BICRAL: variants seen among roughly 807,000 people sequenced by gnomAD.
BICRAL encodes BICRA like chromatin remodeling complex associated protein.
In BICRAL, 8 loss-of-function variants were observed where a neutral mutation model predicts 91.8. The ratio of observed to expected loss-of-function variants is 0.09; its 90% CI spans 0.05 to 0.16. BICRAL has a LOEUF of 0.16. Among genes scored for constraint, BICRAL ranks in the 10% least tolerant of loss-of-function variants. The pLI is 1.00. For missense variants in BICRAL, 1,038 were observed against 1,310.9 expected (o/e 0.79, Z 3.21); for synonymous variants, 445 against 491.1 (o/e 0.91, Z 1.24).
At chr6:42,769,955 TCA>T (rs1762694252) in intron 1 of BICRAL, among the ~76,000 whole-genome samples, 1 of 152,204 alleles carries the variant, frequency 6.6e-6, no homozygotes, top group South Asian at 2.1e-4. Context: ...TAAAAGCTGG[TCA>T]CAGTCTCATG....
At chr6:42,857,299 C>G (rs577423004) in intron 10 of BICRAL, 63 bp downstream of exon 10, 11 of 1,407,384 alleles carry the variant, frequency 7.8e-6, no homozygotes, top group African/African-American at 2.9e-5. Context: ...GGACACCCCC[C>G]AGAAAAGCAA....
At chr6:42,781,066 C>G (rs2113856353), upstream of BICRAL, among the ~76,000 whole-genome samples, 1 of 151,794 alleles carries the variant, frequency 6.6e-6, no homozygotes, top group South Asian at 2.1e-4. Flanking sequence ...ACTTTGGATA[C>G]TAGATAGTTT....
rs552539886 is a variant in BICRAL at position 42,841,570 on chromosome 6, T to G, written c.1840-10522T>G. Among the ~76,000 whole-genome samples the G allele has an allele frequency of 5.3e-5, 8 of 152,254 alleles. No homozygotes were observed. In the South Asian group the frequency reaches 1.7e-3, roughly 32 times the overall value. Reference sequence around the variant, plus strand: ...ATCCCCCTTGTAGCTCAGCCTGCCTTCCTTATGTGGAACCGTTGTATTTTC... The same window carrying G: ...ATCCCCCTTGTAGCTCAGCCTGCCTGCCTTATGTGGAACCGTTGTATTTTC... On this transcript the variant is annotated intron_variant, in intron 6 of 12. Transcript: ENST00000314073.
chr6:42,782,808 G>A (rs1330054119), intron 1 of BICRAL, among the ~76,000 whole-genome samples: 3 of 152,084 alleles, frequency 2.0e-5, no homozygotes, highest in Admixed American at 2.0e-4. Context: ...GCGGGGCCGC[G>A]AGCAGGGGGC....
chr6:42,774,169 T>G (rs977631113), intron 1 of BICRAL, among the ~76,000 whole-genome samples: 43 of 152,122 alleles, frequency 2.8e-4, no homozygotes, highest in Non-Finnish European at 5.7e-4. Flanking sequence ...GATAGGGGTT[T>G]GGAGGAGGAG....
chr6:42,753,086 C>T (rs1445674918), intron 1 of BICRAL, among the ~76,000 whole-genome samples: 2 of 151,852 alleles, frequency 1.3e-5, no homozygotes, highest in South Asian at 2.1e-4. Context: ...GCCACCATGC[C>T]TGGCTAATTT....
At chr6:42,849,682 G>A (rs866380773) in intron 6 of BICRAL, among the ~76,000 whole-genome samples, 9 of 150,904 alleles carry the variant, frequency 6.0e-5, no homozygotes, top group African/African-American at 1.2e-4. Context: ...CTCGTGATCC[G>A]CCCACCTCGG....
In BICRAL at chr6:42,866,421, G is replaced by T. The variant is rs1474405430; in HGVS notation, c.*975G>T. 5.8e-6 allele frequency: 1 copy of T among 172,320 alleles called. No homozygotes were observed. Among genetic ancestry groups the T allele is most frequent in the Non-Finnish European group, 1.3e-5 (1 of 79,306 alleles). The allele number at this position is 172,320 out of a possible 1,614,324, so 10.7% of individuals were successfully genotyped here. A position where few individuals can be genotyped will look rare whatever the true frequency, so the allele number is the denominator to read the frequency against. On this transcript the variant is annotated 3_prime_UTR_variant, in exon 13 of 13. Transcript: ENST00000314073. ...TAATGTATGTTTTTGTTTGTTGCTGGATTTTGTTTCATTTAACCTCTCTTT... is the reference window on the plus strand; with the variant it reads ...TAATGTATGTTTTTGTTTGTTGCTGTATTTTGTTTCATTTAACCTCTCTTT...
chr6:42,751,153 C>CTT (rs751356400), intron 1 of BICRAL, among the ~76,000 whole-genome samples: 3 of 141,032 alleles, frequency 2.1e-5, no homozygotes, highest in Non-Finnish European at 3.1e-5. Flanking sequence ...CCTTAAATCA[C>CTT]TTTTTTTTTT....
chr6:42,763,106 C>T (rs1762579150), intron 1 of BICRAL, among the ~76,000 whole-genome samples: 1 of 152,154 alleles, frequency 6.6e-6, no homozygotes, highest in Non-Finnish European at 1.5e-5. Context: ...TCAAACAGAT[C>T]AAGCATTTTC....
rs71547817 is a variant in BICRAL at position 42,846,391 on chromosome 6, TTAAATAAATAAA to T, written c.1840-5684_1840-5673del. ...TCAAAAAAATAAAATAAACAATAAG[TTAAATAAATAAA>T]TAAATAAATAAATAAAGAGTTATAG... On this transcript the variant is annotated intron_variant, in intron 6 of 12. Coordinates refer to ENST00000314073, the MANE Select transcript of BICRAL (RefSeq NM_001393499.1). 5.3e-5 allele frequency among the ~76,000 whole-genome samples: 8 copies of T among 150,872 alleles called. 1 individual carries two copies. Among genetic ancestry groups the T allele is most frequent in the South Asian group, 4.2e-4 (2 of 4,792 alleles).
chr6:42,750,879 T>TTA (rs1302384689), intron 1 of BICRAL, among the ~76,000 whole-genome samples: 1 of 33,898 alleles, frequency 3.0e-5, no homozygotes, highest in Non-Finnish European at 6.7e-5. Flanking sequence ...CGCCCGGCCT[T>TTA]TTTTTTTTTT....
At chr6:42,762,159 AT>A (rs1207449400) in intron 1 of BICRAL, among the ~76,000 whole-genome samples, 2 of 152,094 alleles carry the variant, frequency 1.3e-5, no homozygotes, top group Non-Finnish European at 2.9e-5. Context: ...AGGGCCCTTT[AT>A]TGATTCCCTT....
At chr6:42,842,706 A>G (rs1764839079) in intron 6 of BICRAL, among the ~76,000 whole-genome samples, 1 of 151,962 alleles carries the variant, frequency 6.6e-6, no homozygotes, top group South Asian at 2.1e-4. Context: ...TTATTTGTAC[A>G]CCCCACTAGG....
chr6:42,855,909 A>G lies in BICRAL; in HGVS notation c.2100A>G (p.Lys700=), dbSNP rs1765337090. The stretch of plus-strand genomic sequence containing the variant: ...GGCCTGCTGCGAAACAGCTAACGAA[A>G]GGAGCTTTGTGAGTTACTCTCGGAA... ...QKRPAAKQLT[K]GAFILQQLQR... The change falls in exon 9 of 13, where the codon AAA becomes AAG. Residue 700 remains lysine, a synonymous_variant. Coordinates refer to ENST00000314073, the MANE Select transcript of BICRAL (RefSeq NM_001393499.1). The G allele has an allele frequency of 1.2e-6, 2 of 1,613,208 alleles. No individual in the cohort carries two copies. Among genetic ancestry groups the G allele is most frequent in the African/African-American group, 2.7e-5 (2 of 74,910 alleles).
At chr6:42,747,283 G>A (rs1762293825) in intron 1 of BICRAL, among the ~76,000 whole-genome samples, 2 of 152,148 alleles carry the variant, frequency 1.3e-5, no homozygotes, top group African/African-American at 4.8e-5. Context: ...CGCATGCTTC[G>A]CTCAGATCTG....
chr6:42,759,057 A>G (rs6909333), intron 1 of BICRAL, among the ~76,000 whole-genome samples: 151,204 of 152,346 alleles, frequency 0.99, 75,042 homozygotes, highest in East Asian at 1. Flanking sequence ...TGCCCCTTGA[A>G]TAAATCTGAA....
At chr6:42,774,243 A>G (rs1168913898) in intron 1 of BICRAL, among the ~76,000 whole-genome samples, 3 of 152,170 alleles carry the variant, frequency 2.0e-5, no homozygotes, top group African/African-American at 4.8e-5. Flanking sequence ...CTTTCAAGCT[A>G]TCATTTTTCT....
chr6:42,817,864 T>C (rs1361219180), intron 2 of BICRAL, among the ~76,000 whole-genome samples: 1 of 151,688 alleles, frequency 6.6e-6, no homozygotes, highest in Non-Finnish European at 1.5e-5. Flanking sequence ...TGACAGCTGG[T>C]TATGGTGGCA....
Sources: gnomAD v4.1 joint callset for allele counts (sites outside exome capture counted in the v4.1 genomes callset) on GRCh38, gnomAD v4.1.1 for gene constraint, MANE v1.5 for transcripts, NCBI Gene and HGNC (gene_info 2026-07-23, HGNC 2026-07-21) for gene names.